The following SYNJ2 variants were observed in gnomAD, a reference collection of about 807,000 sequenced individuals.
SYNJ2 encodes the protein polyphosphatidylinositol phosphatase SYNJ2.
A neutral mutation model predicts 141.3 loss-of-function variants in SYNJ2; 116 were observed. The ratio of observed to expected loss-of-function variants is 0.82; its 90% CI spans 0.71 to 0.96. The LOEUF (loss-of-function observed/expected upper bound fraction) is 0.96, where lower values mean the gene tolerates loss of function less well. Ranked by LOEUF, SYNJ2 falls within the 40% of genes least tolerant of loss-of-function variation. The probability of loss-of-function intolerance (pLI) is 0.00; values close to 1 mark genes in which losing one functional copy is unlikely to be tolerated. For synonymous variants in SYNJ2, 745 were observed against 777.7 expected, an observed-to-expected ratio of 0.96 and a Z score of 0.70; for missense variants, 1,873 against 1,934.8, an observed-to-expected ratio of 0.97 and a Z score of 0.60.
At chr6:157,994,032 G>A (rs1777554805) in intron 1 of SYNJ2, among the ~76,000 whole-genome samples, 1 of 151,708 alleles carries the variant, frequency 6.6e-6, no homozygotes, top group South Asian at 2.1e-4. Context: ...AGTCAGGATG[G>A]TCTCGATCTC....
intron 5 of SYNJ2, among the ~76,000 whole-genome samples, chr6:158,054,041 TCCC>T (rs1030369502): frequency 7.0e-6 from 1 of 143,872 alleles, no homozygotes; most frequent in African/African-American, 2.6e-5. Context: ...CATCCATCCA[TCCC>T]CCCATTCATC....
intron 1 of SYNJ2, among the ~76,000 whole-genome samples, chr6:157,998,461 C>A (rs1419109697): frequency 1.3e-5 from 2 of 152,214 alleles, no homozygotes; most frequent in South Asian, 2.1e-4. Flanking sequence ...AGTTGACGTT[C>A]CATCTTGATT....
intron 4 of SYNJ2, among the ~76,000 whole-genome samples, chr6:158,035,989 A>G (rs1238279440): frequency 2.6e-5 from 4 of 152,204 alleles, no homozygotes; most frequent in Non-Finnish European, 5.9e-5. Context: ...AAACATTAAA[A>G]ACTGGGCAAA....
chr6:158,088,332 C>T (rs1362585260), intron 23 of SYNJ2, among the ~76,000 whole-genome samples: 1 of 151,830 alleles, frequency 6.6e-6, no homozygotes, highest in East Asian at 1.9e-4. Context: ...AAAATCTGGT[C>T]CTAGCAATAG....
intron 17 of SYNJ2, among the ~76,000 whole-genome samples, 183 bp downstream of exon 17, chr6:158,076,965 C>T (rs934486695): frequency 2.0e-5 from 3 of 151,906 alleles, no homozygotes; most frequent in Non-Finnish European, 4.4e-5. Context: ...TTCAGGGAGC[C>T]TCTGCTTCTG....
At chr6:158,012,859 T>C (rs867016008) in intron 1 of SYNJ2, among the ~76,000 whole-genome samples, 1 of 152,208 alleles carries the variant, frequency 6.6e-6, no homozygotes, top group Non-Finnish European at 1.5e-5. Flanking sequence ...GTCTGCTTAG[T>C]CCTCAAGACG....
chr6:158,003,593 A>T (rs539340726), intron 1 of SYNJ2, among the ~76,000 whole-genome samples: 1 of 152,328 alleles, frequency 6.6e-6, no homozygotes, highest in South Asian at 2.1e-4. Context: ...CTGCATTGTT[A>T]AATGACCTCA....
intron 2 of SYNJ2, chr6:158,028,419 A>G: frequency 3.4e-6 from 1 of 297,750 alleles, no homozygotes; most frequent in Non-Finnish European, 6.4e-6. Flanking sequence ...AGGAATTTTC[A>G]GACTCCTGGG....
At chr6:157,996,666 G>A (rs972414547) in intron 1 of SYNJ2, among the ~76,000 whole-genome samples, 1 of 152,156 alleles carries the variant, frequency 6.6e-6, no homozygotes, top group African/African-American at 2.4e-5. Context: ...TTGGGCCATG[G>A]TGGTGGTTTC....
chr6:158,068,052 A>G (rs1167405330), intron 12 of SYNJ2: 1 of 916,916 alleles, frequency 1.1e-6, no homozygotes, highest in Non-Finnish European at 1.3e-6. Flanking sequence ...CAGTCCCACT[A>G]GAGATACACC....
intron 6 of SYNJ2, among the ~76,000 whole-genome samples, chr6:158,056,762 G>T (rs559756466): frequency 3.9e-4 from 59 of 152,320 alleles, no homozygotes; most frequent in Middle Eastern, 3.4e-3. Context: ...GGATTTGGTT[G>T]AGAGTAAATC....
rs572145008 is a variant in SYNJ2, at chr6:158,083,608, C to T, written c.3034+11C>T. 111 of 1,613,764 alleles carry T rather than the reference C, an allele frequency of 6.9e-5. No homozygotes were observed. Among genetic ancestry groups the T allele is most frequent in the Non-Finnish European group, 9.2e-5 (109 of 1,179,916 alleles). On this transcript the variant is annotated intron_variant, in intron 21 of 26. Transcript: ENST00000355585. ...ACTATGAGTCAGAAGGTTAGTGACC[C>T]TGCAGGGAGGGACAGGCAAGCCGTT...
intron 26 of SYNJ2, chr6:158,094,207 ACCTTTTTCCT>A (rs1285593838): frequency 6.1e-6 from 3 of 490,396 alleles, no homozygotes; most frequent in Non-Finnish European, 1.1e-5. Context: ...TACAAAGTGG[ACCTTTTTCCT>A]CCGCCTCTTC....
intron 1 of SYNJ2, 166 bp from the exon 2 acceptor site, chr6:158,017,038 T>G: frequency 7.5e-7 from 1 of 1,335,140 alleles, no homozygotes; most frequent in Admixed American, 3.2e-5. Flanking sequence ...AGCTCTGTGA[T>G]TCGCGAATCA....
intron 1 of SYNJ2, among the ~76,000 whole-genome samples, chr6:158,016,880 G>A (rs950397595): frequency 2.6e-5 from 4 of 152,044 alleles, no homozygotes; most frequent in Non-Finnish European, 5.9e-5. Flanking sequence ...CCGTGGACAG[G>A]GACAGCAAGG....
intron 3 of SYNJ2, chr6:158,030,933 T>C (rs539853043): frequency 6.6e-6 from 1 of 152,280 alleles, no homozygotes; most frequent in Non-Finnish European, 1.5e-5. Context: ...AAATCGTGAA[T>C]CTCATGCTGA....
intron 1 of SYNJ2, among the ~76,000 whole-genome samples, chr6:158,014,836 A>G (rs930158901): frequency 2.6e-5 from 4 of 152,228 alleles, no homozygotes; most frequent in Non-Finnish European, 5.9e-5. Context: ...AGGCAGCTCT[A>G]GGGCTGCCAG....
chr6:157,991,183 C>T (rs1272880500), intron 1 of SYNJ2, among the ~76,000 whole-genome samples: 2 of 152,226 alleles, frequency 1.3e-5, no homozygotes, highest in East Asian at 1.9e-4. Flanking sequence ...CTGGCACACA[C>T]ATTTGCCGGA....
intron 8 of SYNJ2, 115 bp from the exon 9 acceptor site, chr6:158,063,659 CAAAAAAAAAAAAAAAAA>C: frequency 5.3e-6 from 1 of 187,488 alleles, no homozygotes; most frequent in Non-Finnish European, 9.6e-6. Context: ...GACTCTGTCT[CAAAAAAAAAAAAAAAAA>C]AAAAAAAAAA....
Sources: allele counts gnomAD v4.1 joint callset (sites outside exome capture counted in the v4.1 genomes callset), GRCh38; gene constraint gnomAD v4.1.1; transcripts MANE v1.5; gene names NCBI Gene and HGNC (gene_info 2026-07-23, HGNC 2026-07-21).